The following SIPA1L1 variants were observed in gnomAD, a reference collection of about 807,000 sequenced individuals.
The protein encoded by SIPA1L1 is signal-induced proliferation-associated 1-like protein 1.
A neutral mutation model predicts 162.7 loss-of-function variants in SIPA1L1; 26 were observed. The observed-to-expected ratio is 0.16, with a 90% CI of 0.12 to 0.22. The LOEUF (loss-of-function observed/expected upper bound fraction) is 0.22. Ranked by LOEUF, SIPA1L1 falls within the 10% of genes least tolerant of loss-of-function variation. The pLI, the probability that SIPA1L1 is intolerant of heterozygous loss-of-function variation, is 1.00. For missense variants in SIPA1L1, 1,874 were observed against 2,241.0 expected, an observed-to-expected ratio of 0.84 and a Z score of 3.31; for synonymous variants, 829 against 837.4, an observed-to-expected ratio of 0.99 and a Z score of 0.17.
chr14:71,426,503 C>G (rs1413008703), intron 2 of SIPA1L1, among the ~76,000 whole-genome samples: 3 of 78,774 alleles, frequency 3.8e-5, no homozygotes, highest in East Asian at 2.9e-4. Flanking sequence ...TTTTTTTTTT[C>G]CCAAAGACAG....
At chr14:71,556,837 A>G (rs1179498615) in intron 4 of SIPA1L1, among the ~76,000 whole-genome samples, 1 of 152,208 alleles carries the variant, frequency 6.6e-6, no homozygotes, top group East Asian at 1.9e-4. Flanking sequence ...CATTATCTAA[A>G]TCCAGCAAGG....
chr14:71,368,110 G>A (rs1360111283), intron 2 of SIPA1L1, among the ~76,000 whole-genome samples: 2 of 131,164 alleles, frequency 1.5e-5, no homozygotes, highest in African/African-American at 2.8e-5. Flanking sequence ...TATGTTTTTT[G>A]TACATTTTGT....
chr14:71,544,258 A>G (rs1845808351), intron 4 of SIPA1L1, among the ~76,000 whole-genome samples: 1 of 106,896 alleles, frequency 9.4e-6, no homozygotes, highest in South Asian at 2.7e-4. Flanking sequence ...ATGTATATAC[A>G]CATGATATGT....
At chr14:71,663,320 T>G (rs1319979012) in intron 10 of SIPA1L1, among the ~76,000 whole-genome samples, 1 of 152,224 alleles carries the variant, frequency 6.6e-6, no homozygotes, top group East Asian at 1.9e-4. Context: ...CATTTTAGAC[T>G]TACCGCATAT....
intron 2 of SIPA1L1, among the ~76,000 whole-genome samples, chr14:71,481,199 C>A (rs1018380802): frequency 4.6e-5 from 7 of 152,314 alleles, no homozygotes; most frequent in African/African-American, 1.4e-4. Flanking sequence ...GAAGTCCAGG[C>A]TGGGAGTGGT....
At chr14:71,698,544 C>G (rs559590002) in intron 13 of SIPA1L1, among the ~76,000 whole-genome samples, 6 of 152,034 alleles carry the variant, frequency 3.9e-5, no homozygotes, top group African/African-American at 1.4e-4. Context: ...AATTGGAAAA[C>G]AAAGAAGCAT....
intron 20 of SIPA1L1, among the ~76,000 whole-genome samples, chr14:71,733,157 G>A (rs992564383): frequency 5.9e-5 from 9 of 152,340 alleles, no homozygotes; most frequent in African/African-American, 2.2e-4. Flanking sequence ...GTTGCAATGA[G>A]CCGAGATCAT....
chr14:71,475,425 C>T (rs1051679794), intron 2 of SIPA1L1, among the ~76,000 whole-genome samples: 1 of 152,108 alleles, frequency 6.6e-6, no homozygotes, highest in Non-Finnish European at 1.5e-5. Context: ...TTTCCCCCTC[C>T]TCCTCTTTGT....
At chr14:71,341,285 CAACTTG>C (rs1174437829) in intron 2 of SIPA1L1, among the ~76,000 whole-genome samples, 5 of 152,198 alleles carry the variant, frequency 3.3e-5, no homozygotes, top group African/African-American at 1.2e-4. Context: ...CGTTACTTCC[CAACTTG>C]AGCAAGACAG....
At chr14:71,339,339 A>G (rs568889928) in intron 2 of SIPA1L1, among the ~76,000 whole-genome samples, 79 of 150,656 alleles carry the variant, frequency 5.2e-4, no homozygotes, top group African/African-American at 1.8e-3. Flanking sequence ...TTCTTTATCT[A>G]AGTGTTTTCT....
At chr14:71,658,261 TGAGA>T in intron 8 of SIPA1L1, 68 bp from the exon 9 acceptor site, 2 of 784,604 alleles carry the variant, frequency 2.5e-6, no homozygotes, top group Admixed American at 2.3e-5. Context: ...TTTTCTTTTT[TGAGA>T]TATTTCTCTT....
In SIPA1L1 at chr14:71,556,604, A is replaced by G. The variant is rs548098702; in HGVS notation, c.-303+27234A>G. Among the ~76,000 whole-genome samples the G allele has an allele frequency of 2.0e-5, 3 of 152,362 alleles. No individual in the cohort carries two copies. In the South Asian group the frequency reaches 6.2e-4, roughly 32 times the overall value. Reference sequence around the variant, plus strand: ...GAAACATGTTTACTGATTTATTTAAAAGGATATTACAAAGGATTCAGATGA... The same window carrying G: ...GAAACATGTTTACTGATTTATTTAAGAGGATATTACAAAGGATTCAGATGA... On this transcript the variant is annotated intron_variant, in intron 4 of 23. Coordinates refer to ENST00000381232, the MANE Select transcript of SIPA1L1 (RefSeq NM_001386936.1).
At chr14:71,597,510 C>G (rs1295703168) in intron 5 of SIPA1L1, among the ~76,000 whole-genome samples, 1 of 152,102 alleles carries the variant, frequency 6.6e-6, no homozygotes, top group Non-Finnish European at 1.5e-5. Context: ...TTGTAAATGG[C>G]TTGGGTTCCC....
chr14:71,575,283 T>G (rs1456562785), intron 4 of SIPA1L1, among the ~76,000 whole-genome samples: 1 of 152,152 alleles, frequency 6.6e-6, no homozygotes, highest in Admixed American at 6.5e-5. Context: ...TCCTCTGCCC[T>G]TATCATTCAG....
At chr14:71,423,344 CTG>C (rs562603104) in intron 2 of SIPA1L1, among the ~76,000 whole-genome samples, 93 of 152,200 alleles carry the variant, frequency 6.1e-4, no homozygotes, top group African/African-American at 2.1e-3. Flanking sequence ...TCCAATTTAT[CTG>C]TTTTTTAATT....
intron 5 of SIPA1L1, among the ~76,000 whole-genome samples, chr14:71,596,622 C>T (rs973176272): frequency 3.3e-5 from 5 of 152,042 alleles, no homozygotes; most frequent in Admixed American, 2.6e-4. Context: ...TATTTTGTGC[C>T]AGATACAGTG....
intron 9 of SIPA1L1, among the ~76,000 whole-genome samples, chr14:71,660,425 C>G (rs758645387): frequency 8.6e-5 from 13 of 152,000 alleles, no homozygotes; most frequent in Non-Finnish European, 1.6e-4. Flanking sequence ...GCTATTATTT[C>G]TCCCACCTGG....
intron 4 of SIPA1L1, among the ~76,000 whole-genome samples, chr14:71,558,377 A>G (rs1032286168): frequency 1.3e-5 from 2 of 152,266 alleles, no homozygotes; most frequent in East Asian, 3.9e-4. Context: ...CTTTGCCATT[A>G]ATTTTCTGGA....
At chr14:71,668,083 T>C (rs2044190730) in intron 10 of SIPA1L1, among the ~76,000 whole-genome samples, 1 of 152,098 alleles carries the variant, frequency 6.6e-6, no homozygotes, top group Non-Finnish European at 1.5e-5. Context: ...AAAAAGTCTT[T>C]GGAACATTTT....
Sources: allele counts gnomAD v4.1 joint callset (sites outside exome capture counted in the v4.1 genomes callset), GRCh38; gene constraint gnomAD v4.1.1; transcripts MANE v1.5; gene names NCBI Gene and HGNC (gene_info 2026-07-23, HGNC 2026-07-21).